SNX7: variants seen among roughly 807,000 people sequenced by gnomAD.
SNX7 encodes the protein sorting nexin 7.
SNX7 carries 35 observed loss-of-function variants against 48.4 expected under a neutral mutation model. The observed-to-expected ratio is 0.72, with a 90% confidence interval of 0.55 to 0.96. The LOEUF is 0.96. Ranked by LOEUF, SNX7 falls within the 40% of genes least tolerant of loss-of-function variation. The pLI, the probability that SNX7 is intolerant of heterozygous loss-of-function variation, is 0.00. For synonymous variants in SNX7, 190 were observed against 190.2 expected, an observed-to-expected ratio of 1.00 and a Z score of 0.01; for missense variants, 553 against 548.9, an observed-to-expected ratio of 1.01 and a Z score of -0.07.
At chr1:98,710,571 G>A (rs893209409) in intron 7 of SNX7, among the ~76,000 whole-genome samples, 1 of 152,128 alleles carries the variant, frequency 6.6e-6, no homozygotes, top group African/African-American at 2.4e-5. Context: ...TGGATTTGTG[G>A]TGTGTTTTAT....
At chr1:98,671,235 T>C (rs918037876) in intron 1 of SNX7, among the ~76,000 whole-genome samples, 4 of 152,166 alleles carry the variant, frequency 2.6e-5, no homozygotes, top group Non-Finnish European at 4.4e-5. Context: ...CTTAAGTATA[T>C]ACAGTTTTCT....
chr1:98,689,962 A>C (rs1437040815), intron 2 of SNX7, among the ~76,000 whole-genome samples: 1 of 152,100 alleles, frequency 6.6e-6, no homozygotes, highest in African/African-American at 2.4e-5. Flanking sequence ...TTATAAAGGG[A>C]ATGTTGTACA....
At chr1:98,666,677 G>A (rs1649552517) in intron 1 of SNX7, among the ~76,000 whole-genome samples, 1 of 152,176 alleles carries the variant, frequency 6.6e-6, no homozygotes, top group Non-Finnish European at 1.5e-5. Context: ...CTCCTACGGA[G>A]AGATGGTATA....
rs56653679 is a variant in SNX7, at chr1:98,713,094, G to GAAAAAAA, written c.1125+11203_1125+11209dup. ...CAACAAGAGCGAAACTCTGTCTCAG[G>GAAAAAAA]AAAAAAAAAAAAAAAAAACTTGTCT... On this transcript the variant is annotated intron_variant, in intron 7 of 8. Coordinates refer to ENST00000306121, the MANE Select transcript of SNX7 (RefSeq NM_015976.5). 4.2e-3 allele frequency among the ~76,000 whole-genome samples: 540 copies of GAAAAAAA among 129,450 alleles called. 8 individuals are homozygous for GAAAAAAA. Among genetic ancestry groups the GAAAAAAA allele is most frequent in the African/African-American group, 6.8e-3 (233 of 34,058 alleles). 84.9% of individuals were successfully genotyped at this position (129,450 alleles called of 152,430 possible).
At chr1:98,702,821 T>C (rs74110440) in intron 7 of SNX7, among the ~76,000 whole-genome samples, 1,772 of 152,142 alleles carry the variant, frequency 0.012, 29 homozygotes, top group African/African-American at 0.04. Flanking sequence ...TTATGAAATA[T>C]TTTTAAAATT....
At position 98,698,776 on chromosome 1, in the gene SNX7, T is replaced by C. The variant is rs765378242; in HGVS notation, c.909T>C (p.Val303=). The change falls in exon 6 of 9, where the codon GTT becomes GTC. Residue 303 remains valine (V), a synonymous_variant. Coordinates refer to ENST00000306121, the MANE Select transcript of SNX7 (RefSeq NM_015976.5). ...ILWSASEEDL[V]DTLKDVASCI... ...GGTCAGCGTCAGAAGAGGATCTGGT[T>C]GATACTCTAAAGGATGTTGCCAGCT... 19 of 1,613,798 alleles carry C rather than the reference T, an allele frequency of 1.2e-5. No homozygotes were observed. Among genetic ancestry groups the C allele is most frequent in the Non-Finnish European group, 1.5e-5 (18 of 1,179,782 alleles).
In SNX7 at chr1:98,668,260, A is replaced by G. The variant is rs147737979; in HGVS notation, c.180+6349A>G. On this transcript the variant is annotated intron_variant, in intron 1 of 8. Transcript: ENST00000306121. ...GTGACTGAAAAACCAGTATACACAA[A>G]TGACATGATATTGAATTTAAACACC... is the stretch of plus-strand genomic sequence containing the variant. Among the ~76,000 whole-genome samples the G allele has an allele frequency of 2.0e-3, 302 of 152,352 alleles. 2 individuals carry two copies. Among genetic ancestry groups the G allele is most frequent in the East Asian group, 3.3e-3 (17 of 5,190 alleles).
chr1:98,754,044 C>T (rs1379617113), intron 8 of SNX7, among the ~76,000 whole-genome samples: 3 of 151,884 alleles, frequency 2.0e-5, no homozygotes, highest in East Asian at 1.9e-4. Flanking sequence ...AGATGTTCCT[C>T]GGGTTGTGGA....
At chr1:98,755,981 A>G (rs150565689) in intron 8 of SNX7, among the ~76,000 whole-genome samples, 2 of 152,004 alleles carry the variant, frequency 1.3e-5, no homozygotes, top group East Asian at 1.9e-4. Flanking sequence ...CTGTCTGTAC[A>G]TTGTTCCTAT....
chr1:98,747,978 CTT>C (rs372674344), intron 8 of SNX7, among the ~76,000 whole-genome samples: 2 of 131,916 alleles, frequency 1.5e-5, no homozygotes, highest in Non-Finnish European at 3.1e-5. Flanking sequence ...CAGGTTTTTA[CTT>C]TTTTTTTTTT....
intron 7 of SNX7, among the ~76,000 whole-genome samples, chr1:98,704,858 T>C (rs1464938182): frequency 6.6e-6 from 1 of 152,104 alleles, no homozygotes. Context: ...AAAAGGTCAG[T>C]GAAATGAAGC....
At chr1:98,758,106 G>A (rs1654940852) in intron 8 of SNX7, among the ~76,000 whole-genome samples, 1 of 151,940 alleles carries the variant, frequency 6.6e-6, no homozygotes, top group South Asian at 2.1e-4. Flanking sequence ...ACAGTGCCTG[G>A]CATATAGTAA....
At chr1:98,665,091 G>T (rs1570476207) in intron 1 of SNX7, among the ~76,000 whole-genome samples, 3 of 152,116 alleles carry the variant, frequency 2.0e-5, no homozygotes, top group African/African-American at 7.2e-5. Flanking sequence ...AACAGCTGTG[G>T]ATACAGTGTA....
intron 7 of SNX7, among the ~76,000 whole-genome samples, chr1:98,726,442 C>A (rs1464016872): frequency 1.3e-5 from 2 of 152,164 alleles, no homozygotes; most frequent in Non-Finnish European, 2.9e-5. Flanking sequence ...GCAGGTGTTG[C>A]ATCCTCTTCA....
At chr1:98,693,094 T>C (rs578156202) in intron 4 of SNX7, among the ~76,000 whole-genome samples, 1 of 152,174 alleles carries the variant, frequency 6.6e-6, no homozygotes, top group Admixed American at 6.5e-5. Context: ...AAGGGTCTAC[T>C]TTATTTTGAG....
intron 5 of SNX7, among the ~76,000 whole-genome samples, chr1:98,696,846 A>G (rs550369821): frequency 1.3e-5 from 2 of 152,176 alleles, no homozygotes; most frequent in East Asian, 3.9e-4. Context: ...AGATGTCTGG[A>G]AACTATTGGT....
chr1:98,702,198 C>T (rs1053698902), intron 7 of SNX7, among the ~76,000 whole-genome samples: 1 of 152,026 alleles, frequency 6.6e-6, no homozygotes, highest in East Asian at 1.9e-4. Flanking sequence ...AAAGGCAATG[C>T]TAGCATTATT....
intron 7 of SNX7, among the ~76,000 whole-genome samples, chr1:98,723,809 TGAG>T (rs1653019001): frequency 6.6e-6 from 1 of 151,746 alleles, no homozygotes. Context: ...TGCGCTGAAC[TGAG>T]ATCGCATGAC....
In SNX7 at chr1:98,701,839, A is replaced by G. The variant is rs1651765910; in HGVS notation, c.1061A>G (p.Gln354Arg). The change falls in exon 7 of 9, where the codon CAA (glutamine) becomes CGA (arginine). Residue 354 changes from glutamine (Q) to arginine (R), a missense_variant. By Grantham distance (43) the Gln-to-Arg change is conservative. Coordinates refer to ENST00000306121, the MANE Select transcript of SNX7 (RefSeq NM_015976.5). ...AAGGGTGTTATGAAAAGAAGAGACC[A>G]AATACAAGCAGAACTGGATTCCAAA... ...MLMGVMKRRD[Q>R]IQAELDSKVE... The G allele has an allele frequency of 6.2e-7, 1 of 1,610,952 alleles. No homozygotes were observed. The highest frequency in any genetic ancestry group is 8.5e-7 in the Non-Finnish European group (1 of 1,178,356).
Sources: allele counts gnomAD v4.1 joint callset (sites outside exome capture counted in the v4.1 genomes callset), GRCh38; gene constraint gnomAD v4.1.1; transcripts MANE v1.5; gene names NCBI Gene and HGNC (gene_info 2026-07-23, HGNC 2026-07-21).